The following OTOF variants were observed in gnomAD, a reference collection of about 807,000 sequenced individuals.
OTOF encodes the protein otoferlin.
In OTOF, 218 loss-of-function variants were observed where a neutral mutation model predicts 236.8. That is an observed-to-expected ratio of 0.92 (90% CI 0.82 to 1.03). The LOEUF (loss-of-function observed/expected upper bound fraction) is 1.03. Ranked by LOEUF, OTOF falls within the 50% of genes least tolerant of loss-of-function variation. The pLI, the probability that OTOF is intolerant of heterozygous loss-of-function variation, is 0.00. For missense variants in OTOF, 2,590 were observed against 2,694.4 expected, an observed-to-expected ratio of 0.96 and a Z score of 0.86; for synonymous variants, 1,041 against 1,072.5, an observed-to-expected ratio of 0.97 and a Z score of 0.57.
Position 26,470,993 on chromosome 2 carries a change from AG to A in OTOF, c.3894+127del, listed in dbSNP as rs921554881. The A allele has an allele frequency of 4.7e-4, 580 of 1,234,540 alleles. 1 individual carries two copies. Among genetic ancestry groups the A allele is most frequent in the African/African-American group, 1.6e-4 (11 of 67,796 alleles). The allele number at this position is 1,234,540 out of a possible 1,614,324, so 76.5% of individuals were successfully genotyped here. A position where few individuals can be genotyped will look rare whatever the true frequency, so the allele number is the denominator to read the frequency against. On this transcript the variant is annotated intron_variant, in intron 31 of 46. Transcript: ENST00000272371. This position sits in a 1 kb window ranked among gnomAD's most constrained non-coding sequence, Gnocchi z 4.3. ...GCTCTTTTCCACTGCATCTTAGGGG[AG>A]GTGTGCTGGCCCAAGCATGCGGGGG...
chr2:26,558,741 T>C lies in OTOF; in HGVS notation c.-170A>G. 1 of 607,186 alleles carries C rather than the reference T, an allele frequency of 1.6e-6. No homozygotes were observed. Among genetic ancestry groups the C allele is most frequent in the Non-Finnish European group, 2.9e-6 (1 of 340,810 alleles). The allele number at this position is 607,186 out of a possible 1,614,324, so 37.6% of individuals were successfully genotyped here. On this transcript the variant is annotated 5_prime_UTR_variant, in exon 1 of 47. Transcript: ENST00000272371. ...AGGCAACCAAGCCGAGCTAAGCTGCTCCTGCAGCGACTCACAGAGCCTCAC... is the reference window on the plus strand; with the variant it reads ...AGGCAACCAAGCCGAGCTAAGCTGCCCCTGCAGCGACTCACAGAGCCTCAC...
At position 26,474,634 on chromosome 2, in the gene OTOF, A is replaced by T; in HGVS notation, c.3167T>A (p.Leu1056Gln). The T allele has an allele frequency of 6.2e-7, 1 of 1,613,308 alleles. No homozygotes were observed. Among genetic ancestry groups the T allele is most frequent in the South Asian group, 1.1e-5 (1 of 91,082 alleles). ...GTACGCCTCGTCTGCCATCTTCACC[A>T]GGGGTTTGGCGAAGGTCCGGCCCAT... is the stretch of plus-strand genomic sequence containing the variant. ...DFMGRTFAKP[L>Q]VKMADEAYCP... Residue 1056 changes from leucine to glutamine, a missense_variant, in exon 26 of 47, where the codon CTG becomes CAG. Leu to Gln is a moderately radical substitution (Grantham distance 113). Coordinates refer to ENST00000272371, the MANE Select transcript of OTOF (RefSeq NM_194248.3).
chr2:26,549,281 C>T (rs1667404092), intron 1 of OTOF, among the ~76,000 whole-genome samples: 1 of 152,170 alleles, frequency 6.6e-6, no homozygotes, highest in Admixed American at 6.5e-5. Context: ...TGTATTGAGA[C>T]TTGTCTAATT....
rs774606598 is a variant in OTOF, at chr2:26,467,527, G to C, written c.4091-26C>G. On this transcript the variant is annotated intron_variant, in intron 33 of 46. Coordinates refer to ENST00000272371, the MANE Select transcript of OTOF (RefSeq NM_194248.3). Reference sequence around the variant, plus strand: ...CTGGCCAGAAGCAGAAAAGGAGGTGGAGCAGAAATGAGCAGAGCAGGAAGG... The same window carrying C: ...CTGGCCAGAAGCAGAAAAGGAGGTGCAGCAGAAATGAGCAGAGCAGGAAGG... 7 of 1,607,752 alleles carry C rather than the reference G, an allele frequency of 4.4e-6. No individual in the cohort carries two copies. In the South Asian group the frequency reaches 7.8e-5, roughly 18 times the overall value.
intron 40 of OTOF, 129 bp downstream of exon 40, chr2:26,463,834 GA>G: frequency 2.4e-6 from 3 of 1,268,172 alleles, no homozygotes; most frequent in Non-Finnish European, 3.4e-6. Flanking sequence ...GCCTTGGTGG[GA>G]AGGTGCCTGC....
At chr2:26,535,535 G>C (rs1161323853) in intron 2 of OTOF, among the ~76,000 whole-genome samples, 4 of 152,102 alleles carry the variant, frequency 2.6e-5, no homozygotes, top group Non-Finnish European at 5.9e-5. Flanking sequence ...AAACTTCCCT[G>C]TCTCCCCAGT....
intron 1 of OTOF, among the ~76,000 whole-genome samples, chr2:26,554,033 T>C (rs1667527011): frequency 6.6e-6 from 1 of 152,014 alleles, no homozygotes. Flanking sequence ...TAGTCGGGCA[T>C]GGTGGCGTGT....
chr2:26,480,798 C>A lies in OTOF; in HGVS notation c.1791G>T (p.Thr597=). The A allele has an allele frequency of 1.2e-6, 2 of 1,612,174 alleles. No homozygotes were observed. Among genetic ancestry groups the A allele is most frequent in the East Asian group, 2.2e-5 (1 of 44,864 alleles). ...SSTEVQVEQA[T]PISESCAGKM... ...CCTGGGGTCTCACCTCCGAGATGGG[C>A]GTGGCCTGCTCCACCTGCACCTCTG... The change falls in exon 15 of 47, where the codon ACG becomes ACT. Residue 597 remains threonine, a synonymous_variant. Coordinates refer to ENST00000272371, the MANE Select transcript of OTOF (RefSeq NM_194248.3).
intron 3 of OTOF, among the ~76,000 whole-genome samples, chr2:26,526,036 G>A (rs1019067026): frequency 4.2e-5 from 6 of 143,162 alleles, no homozygotes; most frequent in Admixed American, 7.1e-5. Context: ...GCAGTGAGCC[G>A]AGATCAGGCC....
At chr2:26,458,296 C>A in intron 46 of OTOF, 76 bp from the exon 47 acceptor site, 1 of 1,451,424 alleles carries the variant, frequency 6.9e-7, no homozygotes, top group Non-Finnish European at 9.5e-7. Context: ...CTCTGTCCTT[C>A]TGGACCCCCA....
intron 5 of OTOF, among the ~76,000 whole-genome samples, chr2:26,513,788 C>G (rs1343792399): frequency 1.3e-5 from 2 of 152,194 alleles, no homozygotes; most frequent in Non-Finnish European, 2.9e-5. Flanking sequence ...CACTGACACC[C>G]CTTCCCCGGT....
intron 1 of OTOF, among the ~76,000 whole-genome samples, chr2:26,546,204 T>TA (rs1266271129): frequency 6.6e-6 from 1 of 152,216 alleles, no homozygotes; most frequent in African/African-American, 2.4e-5. Context: ...CTCATGCCTG[T>TA]AATCCCAGCA....
chr2:26,468,318 G>A, intron 33 of OTOF, 90 bp downstream of exon 33: 2 of 964,294 alleles, frequency 2.1e-6, no homozygotes, highest in South Asian at 1.3e-5. Flanking sequence ...CTGGCAGGAG[G>A]GAAAAGAGAA....
Position 26,464,970 on chromosome 2 carries a change from C to A in OTOF, c.4859G>T (p.Cys1620Phe). The change falls in exon 39 of 47, where the codon TGC (cysteine) becomes TTC (phenylalanine). Residue 1620 changes from cysteine (C) to phenylalanine (F), a missense_variant. Physicochemically the swap from Cys to Phe is radical, Grantham distance 205. Coordinates refer to ENST00000272371, the MANE Select transcript of OTOF (RefSeq NM_194248.3). ...GGGGCCGTCCACTTTGCCGTCTTTG[C>A]AGAGGCGGGTCAGGATCTGGCTGGG... Reference protein sequence around the residue: ...MKPSQILTRLCKDGKVDGPHF... With the variant: ...MKPSQILTRLFKDGKVDGPHF... 2 of 1,549,582 alleles carry A rather than the reference C, an allele frequency of 1.3e-6. No individual in the cohort carries two copies. Among genetic ancestry groups the A allele is most frequent in the South Asian group, 1.2e-5 (1 of 80,390 alleles).
At chr2:26,466,259 C>T (rs1466632097) in intron 36 of OTOF, 183 bp from the exon 37 acceptor site, 3 of 693,408 alleles carry the variant, frequency 4.3e-6, no homozygotes, top group Non-Finnish European at 7.6e-6. Flanking sequence ...TGACTTCTTC[C>T]TCTAGAAAAG....
intron 36 of OTOF, chr2:26,466,282 C>T (rs1185724476): frequency 3.2e-6 from 2 of 632,358 alleles, no homozygotes; most frequent in Non-Finnish European, 2.8e-6. Flanking sequence ...AAAGACTAGA[C>T]CAAATGATCT....
intron 31 of OTOF, 107 bp downstream of exon 31, chr2:26,471,014 C>A (rs191308930): frequency 3.7e-5 from 52 of 1,416,592 alleles, no homozygotes; most frequent in Non-Finnish European, 5.0e-5. Context: ...CCCAAGCATG[C>A]GGGGGCTGGG....
chr2:26,537,693 G>A (rs773799267), intron 2 of OTOF, 23 bp downstream of exon 2: 3 of 1,537,708 alleles, frequency 2.0e-6, no homozygotes, highest in Admixed American at 2.0e-5. Context: ...GGCTGAGGGA[G>A]GGGGGAGTCT....
intron 1 of OTOF, among the ~76,000 whole-genome samples, chr2:26,544,261 A>G (rs1373750592): frequency 1.3e-5 from 2 of 152,166 alleles, no homozygotes; most frequent in East Asian, 3.8e-4. Flanking sequence ...CAATAAATGC[A>G]TTTCCCTGTA....
Sources: allele counts gnomAD v4.1 joint callset (sites outside exome capture counted in the v4.1 genomes callset), GRCh38; gene constraint gnomAD v4.1.1; non-coding constraint Gnocchi (gnomAD v3.1); transcripts MANE v1.5; gene names NCBI Gene and HGNC (gene_info 2026-07-23, HGNC 2026-07-21).